RORA: variants seen among roughly 807,000 people sequenced by gnomAD.
RORA encodes nuclear receptor ROR-alpha.
RORA carries 7 observed loss-of-function variants against 69.5 expected under a neutral mutation model. The observed-to-expected ratio is 0.10, with a 90% CI of 0.06 to 0.19. RORA has a LOEUF of 0.19. RORA is among the 10% of genes least tolerant of loss of function. The pLI is 1.00. For synonymous variants in RORA, 261 were observed against 240.8 expected (o/e 1.08, Z -0.78); for missense variants, 457 against 663.0 (o/e 0.69, Z 3.41).
intron 2 of RORA, chr15:60,592,424 C>T: frequency 4.2e-6 from 6 of 1,432,400 alleles, no homozygotes; most frequent in South Asian, 1.4e-5. Flanking sequence ...TCATTTAAGC[C>T]GCGGTGCGGA....
chr15:60,938,055 A>C (rs1892578641), intron 1 of RORA, among the ~76,000 whole-genome samples: 1 of 152,206 alleles, frequency 6.6e-6, no homozygotes. Flanking sequence ...ATTTGAACCT[A>C]GGTTTTTAGG....
chr15:60,956,672 A>T (rs1893275850), intron 1 of RORA, among the ~76,000 whole-genome samples: 2 of 152,240 alleles, frequency 1.3e-5, no homozygotes, highest in African/African-American at 4.8e-5. Context: ...GTTTGTTAGG[A>T]TGACTTATAT....
chr15:60,730,032 G>A lies in RORA; in HGVS notation c.167-51346C>T, dbSNP rs570762804. 3.9e-5 allele frequency among the ~76,000 whole-genome samples: 6 copies of A among 152,072 alleles called. No homozygotes were observed. In the South Asian group the frequency reaches 6.2e-4, roughly 16 times the overall value. Reference sequence around the variant, plus strand: ...CCTTTTTACATTTATCTCCTGTTACGCCAGCACAAATAAAACCATGAACAA... The same window carrying A: ...CCTTTTTACATTTATCTCCTGTTACACCAGCACAAATAAAACCATGAACAA... On this transcript the variant is annotated intron_variant, in intron 1 of 10. Coordinates refer to ENST00000335670, the MANE Select transcript of RORA (RefSeq NM_134261.3).
chr15:60,857,089 G>T (rs999554858), intron 1 of RORA, among the ~76,000 whole-genome samples: 3 of 152,212 alleles, frequency 2.0e-5, no homozygotes, highest in African/African-American at 7.2e-5. Flanking sequence ...ATCCAGGGAT[G>T]AATGATACTT....
intron 1 of RORA, among the ~76,000 whole-genome samples, chr15:60,969,717 C>T (rs1893657106): frequency 6.6e-6 from 1 of 151,938 alleles, no homozygotes; most frequent in Non-Finnish European, 1.5e-5. Context: ...GGTGGTACTG[C>T]CTCACAGTTA....
At chr15:60,560,584 G>A (rs1158747906) in intron 2 of RORA, among the ~76,000 whole-genome samples, 3 of 152,180 alleles carry the variant, frequency 2.0e-5, no homozygotes, top group African/African-American at 4.8e-5. Flanking sequence ...CTGTAGTCTC[G>A]GCTACTGGTC....
intron 1 of RORA, among the ~76,000 whole-genome samples, chr15:60,912,278 A>G (rs939227843): frequency 6.6e-6 from 1 of 152,038 alleles, no homozygotes; most frequent in African/African-American, 2.4e-5. Flanking sequence ...AAAAATAGCC[A>G]GATGTGGGGG....
At chr15:60,832,973 C>A (rs1249098138) in intron 1 of RORA, among the ~76,000 whole-genome samples, 1 of 148,734 alleles carries the variant, frequency 6.7e-6, no homozygotes, top group African/African-American at 2.5e-5. Context: ...GGCGTGATCT[C>A]GGCTCACTGC....
intron 2 of RORA, among the ~76,000 whole-genome samples, chr15:60,571,604 GAA>G (rs1174284597): frequency 1.3e-5 from 2 of 152,282 alleles, no homozygotes; most frequent in Non-Finnish European, 2.9e-5. Flanking sequence ...GAAAGATCAT[GAA>G]GAGGCATGAG....
chr15:60,772,208 G>A (rs1422696775), intron 1 of RORA, among the ~76,000 whole-genome samples: 3 of 151,358 alleles, frequency 2.0e-5, no homozygotes, highest in African/African-American at 7.3e-5. Context: ...CCCTCCCCCA[G>A]GCCCCCACCC....
At chr15:60,997,510 T>C (rs1360564386) in intron 1 of RORA, among the ~76,000 whole-genome samples, 1 of 152,202 alleles carries the variant, frequency 6.6e-6, no homozygotes, top group Non-Finnish European at 1.5e-5. Context: ...AAAGTAATAT[T>C]TTTATTAATA....
chr15:60,508,316 G>A (rs1219571718), intron 5 of RORA, among the ~76,000 whole-genome samples: 1 of 152,178 alleles, frequency 6.6e-6, no homozygotes, highest in South Asian at 2.1e-4. Context: ...CCAGCGCCTC[G>A]ATACTTCAGA....
rs1287671722 is a variant in RORA, at chr15:60,492,757, G to A, written c.*4698C>T. The A allele has an allele frequency of 5.3e-5, 8 of 152,016 alleles. No individual in the cohort carries two copies. The allele number at this position is 152,016 out of a possible 1,614,324, so 9.4% of individuals were successfully genotyped here. A position where few individuals can be genotyped will look rare whatever the true frequency, so the allele number is the denominator to read the frequency against. ...TATTAATTTATCTTTTGAACACACT[G>A]GCATAACTTTGCTTTGGAAGTTATT... is the stretch of plus-strand genomic sequence containing the variant. On this transcript the variant is annotated 3_prime_UTR_variant, in exon 11 of 11. Coordinates refer to ENST00000335670, the MANE Select transcript of RORA (RefSeq NM_134261.3).
chr15:60,576,996 A>G (rs1274777921), intron 2 of RORA, among the ~76,000 whole-genome samples: 1 of 152,240 alleles, frequency 6.6e-6, no homozygotes, highest in Admixed American at 6.5e-5. Flanking sequence ...GATAAACTGT[A>G]AAGCCTCTGT....
intron 1 of RORA, among the ~76,000 whole-genome samples, chr15:61,127,495 C>T (rs1204003573): frequency 6.6e-6 from 1 of 152,180 alleles, no homozygotes; most frequent in East Asian, 1.9e-4. Context: ...CTTGAAATGT[C>T]TGGCAAACAG....
At chr15:60,521,492 G>A (rs991497677) in intron 3 of RORA, among the ~76,000 whole-genome samples, 1 of 151,944 alleles carries the variant, frequency 6.6e-6, no homozygotes, top group African/African-American at 2.4e-5. Context: ...CGCCTGCCTC[G>A]GCCTCCCAAA....
intron 1 of RORA, among the ~76,000 whole-genome samples, chr15:60,883,813 G>A (rs1258776977): frequency 7.2e-5 from 11 of 152,208 alleles, no homozygotes; most frequent in Admixed American, 5.2e-4. Flanking sequence ...AAGAGTATAC[G>A]AAAGGGTGTT....
intron 2 of RORA, among the ~76,000 whole-genome samples, chr15:60,604,193 A>T (rs1226416723): frequency 6.6e-6 from 1 of 151,870 alleles, no homozygotes; most frequent in Non-Finnish European, 1.5e-5. Context: ...AATAGACTTT[A>T]AAAAGGACAC....
At chr15:60,800,266 C>A (rs1242379126) in intron 1 of RORA, among the ~76,000 whole-genome samples, 1 of 152,170 alleles carries the variant, frequency 6.6e-6, no homozygotes, top group Non-Finnish European at 1.5e-5. Context: ...AAGAATGACA[C>A]GCTGTTCCAC....
Sources: gnomAD v4.1 joint callset for allele counts (sites outside exome capture counted in the v4.1 genomes callset) on GRCh38, gnomAD v4.1.1 for gene constraint, MANE v1.5 for transcripts, NCBI Gene and HGNC (gene_info 2026-07-23, HGNC 2026-07-21) for gene names.